The following FGGY variants were observed in gnomAD, a reference collection of about 807,000 sequenced individuals.
FGGY encodes FGGY carbohydrate kinase domain containing, also known as FGGY carbohydrate kinase domain-containing protein.
FGGY carries 72 observed loss-of-function variants against 71.3 expected under a neutral mutation model. The ratio of observed to expected loss-of-function variants is 1.01; its 90% CI spans 0.84 to 1.23. FGGY has a LOEUF of 1.23. Ranked by LOEUF, FGGY falls within the 50% of genes most tolerant of loss-of-function variation. The probability of loss-of-function intolerance (pLI) is 0.00; values close to 1 mark genes in which losing one functional copy is unlikely to be tolerated. For synonymous variants in FGGY, 251 were observed against 250.3 expected (o/e 1.00, Z -0.02); for missense variants, 668 against 682.3 (o/e 0.98, Z 0.23).
At chr1:59,332,631 G>A (rs2048717070) in intron 2 of FGGY, among the ~76,000 whole-genome samples, 1 of 152,168 alleles carries the variant, frequency 6.6e-6, no homozygotes, top group East Asian at 1.9e-4. Flanking sequence ...TCTTGTGAGA[G>A]GTCTCTGTTT....
chr1:59,556,597 C>T (rs1571226013), intron 8 of FGGY, among the ~76,000 whole-genome samples: 1 of 152,270 alleles, frequency 6.6e-6, no homozygotes, highest in African/African-American at 2.4e-5. Flanking sequence ...TTTACATTGT[C>T]CAGAGGCAAG....
At chr1:59,576,656 A>C (rs1561620) in intron 8 of FGGY, among the ~76,000 whole-genome samples, 9,480 of 139,750 alleles carry the variant, frequency 0.068, 690 homozygotes, top group African/African-American at 0.18. Context: ...TAGAGATTAC[A>C]GACAGACAGA....
intron 2 of FGGY, among the ~76,000 whole-genome samples, chr1:59,329,398 T>C (rs1489502500): frequency 1.3e-5 from 2 of 152,252 alleles, no homozygotes; most frequent in Non-Finnish European, 2.9e-5. Context: ...ATGGCAGCAA[T>C]GGACTTGCTT....
rs1033824299 is a variant in FGGY at position 59,512,418 on chromosome 1, G to A, written c.778G>A (p.Asp260Asn). The change falls in exon 7 of 16, where the codon GAT becomes AAT. Residue 260 changes from aspartate (D) to asparagine (N), a missense_variant. Physicochemically the swap from Asp to Asn is conservative, Grantham distance 23 (BLOSUM62 1). This residue lies in a region of FGGY where 661 missense variants were observed against 661.6 expected (regional missense o/e 1.00). Coordinates refer to ENST00000303721, the MANE Select transcript of FGGY (RefSeq NM_018291.5). ...PGIAVAASLI[D>N]AHAGGLGVIG... ...GATTGCGGTCGCAGCTTCACTCATT[G>A]ATGCCCATGCAGGAGGACTAGGTAA... is the stretch of plus-strand genomic sequence containing the variant. 1.9e-6 allele frequency: 3 copies of A among 1,613,736 alleles called. No homozygotes were observed. Among genetic ancestry groups the A allele is most frequent in the Non-Finnish European group, 2.5e-6 (3 of 1,179,842 alleles).
intron 5 of FGGY, among the ~76,000 whole-genome samples, chr1:59,408,871 T>C (rs1253304655): frequency 6.6e-6 from 1 of 152,180 alleles, no homozygotes; most frequent in Non-Finnish European, 1.5e-5. Flanking sequence ...AGCCTGTTGT[T>C]CAAGCTCAGG....
chr1:59,297,650 C>A (rs898265174), intron 1 of FGGY, among the ~76,000 whole-genome samples: 1 of 151,768 alleles, frequency 6.6e-6, no homozygotes, highest in Non-Finnish European at 1.5e-5. Context: ...GTGAAACCCC[C>A]GTCTCTACTA....
chr1:59,568,464 C>CGGGGGGGGGGGGGG (rs56724590), intron 8 of FGGY, among the ~76,000 whole-genome samples: 2 of 59,402 alleles, frequency 3.4e-5, no homozygotes, highest in Non-Finnish European at 7.4e-5. Flanking sequence ...GTCGGGGGGG[C>CGGGGGGGGGGGGGG]GGGGGGGGGT....
At chr1:59,742,831 T>C (rs1276340594) in intron 14 of FGGY, among the ~76,000 whole-genome samples, 1 of 152,252 alleles carries the variant, frequency 6.6e-6, no homozygotes, top group East Asian at 1.9e-4. Context: ...TCATGTCTCT[T>C]GAATTCTTCC....
intron 2 of FGGY, 146 bp from the exon 3 acceptor site, chr1:59,339,812 G>A: frequency 1.8e-6 from 1 of 550,480 alleles, no homozygotes; most frequent in South Asian, 2.4e-5. Flanking sequence ...AGGATCTTTT[G>A]GGATTATAGT....
rs185874479 is a variant in FGGY, at chr1:59,370,881, G to T, written c.466-7868G>T. 5.3e-3 allele frequency among the ~76,000 whole-genome samples: 808 copies of T among 151,850 alleles called. 7 individuals are homozygous for T. Among genetic ancestry groups the T allele is most frequent in the African/African-American group, 0.018 (759 of 41,418 alleles). ...TGAGAGATTTTGTCACCACCAGGTC[G>T]GACCTAAAATAGCTCCTGAAGGAAG... On this transcript the variant is annotated intron_variant, in intron 4 of 15. Coordinates refer to ENST00000303721, the MANE Select transcript of FGGY (RefSeq NM_018291.5).
rs1184265165 is a variant in FGGY at position 59,378,782 on chromosome 1, C to T, written c.499C>T (p.His167Tyr). ...AGAGATTTGCTGGGATAAGGCGGGA[C>T]ATTTCTTTGATCTCCCGGACTTCTT... is the stretch of plus-strand genomic sequence containing the variant. ...LREICWDKAG[H>Y]FFDLPDFLSW... The change falls in exon 5 of 16, where the codon CAT becomes TAT. Residue 167 changes from histidine to tyrosine, a missense_variant. Around this residue, in one of 2 missense-constraint regions of FGGY, gnomAD observed 661 missense variants for 661.6 expected, o/e 1.00. Coordinates refer to ENST00000303721, the MANE Select transcript of FGGY (RefSeq NM_018291.5). The T allele has an allele frequency of 6.2e-7, 1 of 1,613,486 alleles. No homozygotes were observed. The highest frequency in any genetic ancestry group is 8.5e-7 in the Non-Finnish European group (1 of 1,179,650).
intron 7 of FGGY, among the ~76,000 whole-genome samples, chr1:59,552,696 G>A (rs578173192): frequency 1.3e-5 from 2 of 152,242 alleles, no homozygotes; most frequent in African/African-American, 4.8e-5. Context: ...TGGGTTAGCT[G>A]CCTTTGTGGC....
At chr1:59,502,687 A>T (rs953950022) in intron 6 of FGGY, among the ~76,000 whole-genome samples, 3 of 152,162 alleles carry the variant, frequency 2.0e-5, no homozygotes, top group African/African-American at 7.2e-5. Flanking sequence ...AACGTGGAAG[A>T]AGCCTTCCTT....
At chr1:59,499,554 G>A (rs767730359) in intron 6 of FGGY, among the ~76,000 whole-genome samples, 2 of 152,032 alleles carry the variant, frequency 1.3e-5, no homozygotes, top group Non-Finnish European at 2.9e-5. Context: ...CATGGAAAGC[G>A]AAACTGCAGA....
rs182617989 is a variant in FGGY at position 59,600,140 on chromosome 1, C to T, written c.904-7663C>T. ...CCAGTTTCATCACCCTTGTAATAATCCAAGCAAGAAATGATGAAGGGCTGG... is the reference window on the plus strand; with the variant it reads ...CCAGTTTCATCACCCTTGTAATAATTCAAGCAAGAAATGATGAAGGGCTGG... On this transcript the variant is annotated intron_variant, in intron 8 of 15. Transcript: ENST00000303721. Among the ~76,000 whole-genome samples the T allele has an allele frequency of 9.3e-3, 1,422 of 152,140 alleles. 24 individuals are homozygous for T. Among genetic ancestry groups the T allele is most frequent in the African/African-American group, 0.033 (1,370 of 41,486 alleles).
intron 6 of FGGY, among the ~76,000 whole-genome samples, chr1:59,461,616 C>T (rs2092223537): frequency 6.6e-6 from 1 of 152,060 alleles, no homozygotes; most frequent in Non-Finnish European, 1.5e-5. Context: ...ACATAATTGT[C>T]AGATTCACCA....
chr1:59,335,299 C>T (rs1159105793), intron 2 of FGGY, among the ~76,000 whole-genome samples: 1 of 152,006 alleles, frequency 6.6e-6, no homozygotes, highest in African/African-American at 2.4e-5. Context: ...TAAATAGAAT[C>T]ACATAGCGTG....
chr1:59,727,657 A>T (rs1201934228), intron 14 of FGGY, among the ~76,000 whole-genome samples: 1 of 152,182 alleles, frequency 6.6e-6, no homozygotes, highest in Non-Finnish European at 1.5e-5. Context: ...TATTCCTATC[A>T]AACTACCAAA....
chr1:59,659,416 C>T (rs1479656303), intron 11 of FGGY, among the ~76,000 whole-genome samples: 1 of 152,308 alleles, frequency 6.6e-6, no homozygotes, highest in African/African-American at 2.4e-5. Context: ...GGACAACACA[C>T]ACCATAGGAA....
Sources: allele counts gnomAD v4.1 joint callset (sites outside exome capture counted in the v4.1 genomes callset), GRCh38; gene constraint gnomAD v4.1.1; regional missense constraint gnomAD v4.1.1; transcripts MANE v1.5; gene names NCBI Gene and HGNC (gene_info 2026-07-23, HGNC 2026-07-21).